The following SP100 variants were observed in gnomAD, a reference collection of about 807,000 sequenced individuals.
SP100 encodes the protein SP100 nuclear body protein, also known as nuclear autoantigen Sp-100.
In SP100, 84 loss-of-function variants were observed where a neutral mutation model predicts 130.0. That is an observed-to-expected ratio of 0.65 (90% CI 0.54 to 0.77). The LOEUF (loss-of-function observed/expected upper bound fraction) is 0.77. Ranked by LOEUF, SP100 falls within the 30% of genes least tolerant of loss-of-function variation. The pLI, the probability that SP100 is intolerant of heterozygous loss-of-function variation, is 0.00. For synonymous variants in SP100, 331 were observed against 351.7 expected (o/e 0.94, Z 0.66); for missense variants, 978 against 1,052.2 (o/e 0.93, Z 0.97).
chr2:230,470,233 G>T, intron 15 of SP100, 135 bp downstream of exon 15: 1 of 1,335,732 alleles, frequency 7.5e-7, no homozygotes, highest in Non-Finnish European at 9.7e-7. Flanking sequence ...ACTCCTTTTT[G>T]CATTTTAGAA....
intron 24 of SP100, among the ~76,000 whole-genome samples, chr2:230,513,606 G>A (rs1323829520): frequency 6.6e-6 from 1 of 152,070 alleles, no homozygotes; most frequent in African/African-American, 2.4e-5. Flanking sequence ...TTGTCAATGG[G>A]AAGGCTTATT....
At chr2:230,417,022 T>G (rs1254798799) in intron 1 of SP100, 1 of 350,822 alleles carries the variant, frequency 2.9e-6, no homozygotes, top group African/African-American at 2.2e-5. Flanking sequence ...TCTTTTAAAT[T>G]TTTTAATACA....
intron 11 of SP100, 130 bp downstream of exon 11, chr2:230,464,280 C>A: frequency 1.6e-6 from 1 of 633,032 alleles, no homozygotes; most frequent in Non-Finnish European, 2.9e-6. Context: ...TAGAATATCA[C>A]TTTCTACATT....
At chr2:230,440,172 A>G (rs1178615566) in intron 2 of SP100, among the ~76,000 whole-genome samples, 1 of 152,126 alleles carries the variant, frequency 6.6e-6, no homozygotes, top group Non-Finnish European at 1.5e-5. Context: ...AACCAGTGAA[A>G]TGAGACCAAA....
In SP100 at chr2:230,470,031, C is replaced by T. The variant is rs2065190918; in HGVS notation, c.1362C>T (p.Asp454=). The change falls in exon 15 of 29, where the codon GAC becomes GAT. Residue 454 remains aspartate, a synonymous_variant. Coordinates refer to ENST00000340126, the MANE Select transcript of SP100 (RefSeq NM_001080391.2). Reference sequence around the variant, plus strand: ...TTTCTGCAGGTTTCAGCAGTAGTGACTTTTCAGACCTGAGTAATGGAGAAG... The same window carrying T: ...TTTCTGCAGGTTTCAGCAGTAGTGATTTTTCAGACCTGAGTAATGGAGAAG... The part of the protein sequence containing the change: ...PSRKRRFSSS[D]FSDLSNGEEL... 3 of 1,612,470 alleles carry T rather than the reference C, an allele frequency of 1.9e-6. No homozygotes were observed. The highest frequency in any genetic ancestry group is 1.3e-5 in the African/African-American group (1 of 74,868).
At chr2:230,496,126 T>C (rs1022554488) in intron 18 of SP100, among the ~76,000 whole-genome samples, 6 of 152,194 alleles carry the variant, frequency 3.9e-5, no homozygotes, top group Non-Finnish European at 8.8e-5. Flanking sequence ...GTCATGTTTC[T>C]ACTGGTTTCT....
Position 230,515,999 on chromosome 2 carries a change from C to G in SP100, c.2094+4833C>G, listed in dbSNP as rs73097031. On this transcript the variant is annotated intron_variant, in intron 24 of 28. Coordinates refer to ENST00000340126, the MANE Select transcript of SP100 (RefSeq NM_001080391.2). ...TACAAAACATTTGTTGTTCTGTTAA[C>G]TGAATGCCACTCTGTAATTGCAAAA... 9.9e-4 allele frequency: 983 copies of G among 991,110 alleles called. 4 individuals are homozygous for G. In the African/African-American group the frequency reaches 0.017, roughly 17 times the overall value. 61.4% of individuals were successfully genotyped at this position (991,110 alleles called of 1,614,324 possible).
chr2:230,470,254 G>A, intron 15 of SP100, 156 bp downstream of exon 15: 1 of 1,342,852 alleles, frequency 7.4e-7, no homozygotes, highest in Non-Finnish European at 9.6e-7. Flanking sequence ...AATGGAAAGA[G>A]GCAGGAAATT....
In SP100 at chr2:230,544,583, G is replaced by A. The variant is rs1404519542; in HGVS notation, c.*1637G>A. Reference sequence around the variant, plus strand: ...GCTCACCACAACCTCTGCCTCCCGGGTTCAAGCAATTCTCCTGCCTCAGCC... The same window carrying A: ...GCTCACCACAACCTCTGCCTCCCGGATTCAAGCAATTCTCCTGCCTCAGCC... On this transcript the variant is annotated 3_prime_UTR_variant, in exon 29 of 29. Transcript: ENST00000340126. 6.6e-6 allele frequency among the ~76,000 whole-genome samples: 1 copy of A among 152,122 alleles called. No individual in the cohort carries two copies. The highest frequency in any genetic ancestry group is 2.4e-5 in the African/African-American group (1 of 41,408).
intron 17 of SP100, among the ~76,000 whole-genome samples, chr2:230,476,209 T>G (rs959316221): frequency 3.9e-5 from 6 of 152,244 alleles, no homozygotes; most frequent in African/African-American, 1.2e-4. Context: ...ATCTCTGATT[T>G]CTTTCAGCAG....
chr2:230,470,952 AC>A (rs2065235218), intron 15 of SP100, among the ~76,000 whole-genome samples: 2 of 142,618 alleles, frequency 1.4e-5, no homozygotes, highest in Non-Finnish European at 3.1e-5. Flanking sequence ...ATGTATACAT[AC>A]ATAAACACAC....
intron 2 of SP100, among the ~76,000 whole-genome samples, chr2:230,438,614 T>A: frequency 6.7e-6 from 1 of 149,628 alleles, no homozygotes; most frequent in East Asian, 1.9e-4. Context: ...GCATTCCTTT[T>A]TATGGCTGAG....
In SP100 at chr2:230,446,886, A is replaced by G. The variant is rs1202277462; in HGVS notation, c.507A>G (p.Gln169=). Residue 169 remains glutamine (Q), a synonymous_variant, in exon 5 of 29, where the codon CAA becomes CAG. Transcript: ENST00000340126. The part of the protein sequence containing the change: ...EEEREERSGL[Q]LSLEQGTGEN... Reference sequence around the variant, plus strand: ...AGAGGGAGGAGAGGTCTGGCCTCCAACTAAGTCTTGAACAAGGTAAAAATG... The same window carrying G: ...AGAGGGAGGAGAGGTCTGGCCTCCAGCTAAGTCTTGAACAAGGTAAAAATG... 2 of 1,608,494 alleles carry G rather than the reference A, an allele frequency of 1.2e-6. No homozygotes were observed. The highest frequency in any genetic ancestry group is 1.7e-6 in the Non-Finnish European group (2 of 1,175,412).
At chr2:230,495,378 A>G (rs975967736) in intron 18 of SP100, among the ~76,000 whole-genome samples, 2 of 152,200 alleles carry the variant, frequency 1.3e-5, no homozygotes, top group African/African-American at 4.8e-5. Flanking sequence ...GCTGGAGTAC[A>G]GTGCTACGAT....
At chr2:230,521,591 C>A (rs796821313) in intron 24 of SP100, among the ~76,000 whole-genome samples, 11 of 152,312 alleles carry the variant, frequency 7.2e-5, no homozygotes, top group African/African-American at 2.6e-4. Flanking sequence ...TGATTAAAGC[C>A]TTCTTCCTTG....
chr2:230,467,746 G>T (rs1382840038), intron 13 of SP100, among the ~76,000 whole-genome samples: 1 of 152,228 alleles, frequency 6.6e-6, no homozygotes, highest in Non-Finnish European at 1.5e-5. Flanking sequence ...TTCAAGATGA[G>T]ATTTGGGTGA....
At chr2:230,450,605 C>T (rs796896322) in intron 8 of SP100, among the ~76,000 whole-genome samples, 3 of 152,136 alleles carry the variant, frequency 2.0e-5, no homozygotes, top group African/African-American at 7.2e-5. Context: ...AATTTTGTAT[C>T]CTTTGACCAA....
At position 230,419,343 on chromosome 2, in the gene SP100, C is replaced by T. The variant is rs139759296; in HGVS notation, c.107+1678C>T. Among the ~76,000 whole-genome samples the T allele has an allele frequency of 6.9e-3, 1,055 of 152,294 alleles. 11 individuals are homozygous for T. Among genetic ancestry groups the T allele is most frequent in the South Asian group, 0.018 (86 of 4,824 alleles). On this transcript the variant is annotated intron_variant, in intron 2 of 28. Transcript: ENST00000340126. ...CTCTCCATCCTGCCCAGGATGTGAA[C>T]CATCCCTTTATCCAGGGTATCCACA...
chr2:230,453,480 A>G (rs1223166223), intron 8 of SP100, among the ~76,000 whole-genome samples: 1 of 152,202 alleles, frequency 6.6e-6, no homozygotes, highest in African/African-American at 2.4e-5. Flanking sequence ...GTCCTGAGAT[A>G]CATTTCTTCT....
Sources: gnomAD v4.1 joint callset for allele counts (sites outside exome capture counted in the v4.1 genomes callset) on GRCh38, gnomAD v4.1.1 for gene constraint, MANE v1.5 for transcripts, NCBI Gene and HGNC (gene_info 2026-07-23, HGNC 2026-07-21) for gene names.